The following IL18RAP variants were observed in gnomAD, a reference collection of about 807,000 sequenced individuals.
IL18RAP encodes the protein interleukin 18 receptor accessory protein.
A neutral mutation model predicts 58.1 loss-of-function variants in IL18RAP; 37 were observed. The observed-to-expected ratio is 0.64, with a 90% confidence interval of 0.49 to 0.84. The LOEUF is 0.84. Ranked by LOEUF, IL18RAP falls within the 40% of genes least tolerant of loss-of-function variation. IL18RAP has a pLI of 0.00. For missense variants in IL18RAP, 667 were observed against 704.8 expected, an observed-to-expected ratio of 0.95 and a Z score of 0.61; for synonymous variants, 268 against 257.5, an observed-to-expected ratio of 1.04 and a Z score of -0.39.
chr2:102,436,273 C>G (rs925827260), intron 3 of IL18RAP, among the ~76,000 whole-genome samples: 1 of 152,182 alleles, frequency 6.6e-6, no homozygotes, highest in African/African-American at 2.4e-5. Context: ...TGACACGCCT[C>G]TCCCCTGAAT....
chr2:102,427,319 T>A (rs1477407495), intron 3 of IL18RAP, among the ~76,000 whole-genome samples: 2 of 152,144 alleles, frequency 1.3e-5, no homozygotes, highest in Non-Finnish European at 2.9e-5. Flanking sequence ...GTTTTTCTGA[T>A]GAGACTTCAT....
In IL18RAP at chr2:102,450,892, T is replaced by C. The variant is rs748681221; in HGVS notation, c.1255T>C (p.Ser419Pro). 1 of 1,610,144 alleles carries C rather than the reference T, an allele frequency of 6.2e-7. No homozygotes were observed. Among genetic ancestry groups the C allele is most frequent in the Admixed American group, 1.7e-5 (1 of 59,192 alleles). The change falls in exon 9 of 10, where the codon TCT becomes CCT. Residue 419 changes from serine (S) to proline (P), a missense_variant. Ser to Pro is a moderately conservative substitution (Grantham distance 74). Coordinates refer to ENST00000687160, the MANE Select transcript of IL18RAP (RefSeq NM_001393487.1). ...TTTCGTATCCTATGCAAAATGGAGC[T>C]CTTTTCCAAGTGAGGCCACTTCATC... ...DAFVSYAKWS[S>P]FPSEATSSLS... is the part of the protein sequence containing the mutation.
intron 3 of IL18RAP, chr2:102,434,585 C>T (rs896177465): frequency 2.0e-5 from 3 of 152,184 alleles, no homozygotes; most frequent in Non-Finnish European, 4.4e-5. Context: ...GAGTGCTCTG[C>T]TGTTAACTCC....
At chr2:102,441,732 A>T (rs936109263) in intron 5 of IL18RAP, among the ~76,000 whole-genome samples, 1 of 151,980 alleles carries the variant, frequency 6.6e-6, no homozygotes, top group Non-Finnish European at 1.5e-5. Flanking sequence ...TACTAAAACT[A>T]CAAAAATTAG....
chr2:102,429,802 C>T (rs974073816), intron 3 of IL18RAP, among the ~76,000 whole-genome samples: 2 of 151,982 alleles, frequency 1.3e-5, no homozygotes, highest in East Asian at 1.9e-4. Flanking sequence ...TTTTAACTTC[C>T]TTTTTATTTC....
intron 4 of IL18RAP, chr2:102,439,769 T>G (rs1390834388): frequency 6.6e-6 from 1 of 152,044 alleles, no homozygotes; most frequent in Non-Finnish European, 1.5e-5. Context: ...AGATTAAGTA[T>G]TAGGCTTAAA....
At position 102,445,186 on chromosome 2, in the gene IL18RAP, C is replaced by T. The variant is rs1169353559; in HGVS notation, c.921-3C>T. 6.2e-7 allele frequency: 1 copy of T among 1,612,288 alleles called. No homozygotes were observed. The highest frequency in any genetic ancestry group is 8.5e-7 in the Non-Finnish European group (1 of 1,178,802). On this transcript the variant is annotated splice_region_variant and splice_polypyrimidine_tract_variant and intron_variant, in intron 6 of 9. Transcript: ENST00000687160. ...TGGAGTGGTATTTTTTCTCCTTTCT[C>T]AGTATTAAATCCACTTTAAAGGATG...
At chr2:102,444,364 G>A (rs1683287949) in intron 6 of IL18RAP, among the ~76,000 whole-genome samples, 1 of 152,122 alleles carries the variant, frequency 6.6e-6, no homozygotes, top group Admixed American at 6.5e-5. Context: ...TTTTCTATCT[G>A]ATGTCAACAT....
At chr2:102,419,636 A>G (rs1681448038), upstream of IL18RAP, 1 of 152,360 alleles carries the variant, frequency 6.6e-6, no homozygotes, top group African/African-American at 2.4e-5. Flanking sequence ...TGATTCTCAA[A>G]AAACGCATCT....
chr2:102,445,826 A>G (rs1683380429), intron 7 of IL18RAP, among the ~76,000 whole-genome samples: 1 of 152,238 alleles, frequency 6.6e-6, no homozygotes, highest in African/African-American at 2.4e-5. Flanking sequence ...ATATTAAAAA[A>G]AAAAAAGCTG....
At chr2:102,426,335 GTATACAAC>G (rs1681941230) in intron 3 of IL18RAP, among the ~76,000 whole-genome samples, 1 of 152,112 alleles carries the variant, frequency 6.6e-6, no homozygotes, top group African/African-American at 2.4e-5. Flanking sequence ...GATATACAGA[GTATACAAC>G]TGAAATAAAT....
chr2:102,419,605 C>T (rs1274335222), upstream of IL18RAP: 1 of 152,288 alleles, frequency 6.6e-6, no homozygotes, highest in Non-Finnish European at 1.5e-5. Flanking sequence ...GGGAAATCTT[C>T]ATCCTCTGAA....
chr2:102,422,728 G>A (rs1285859800), upstream of IL18RAP, among the ~76,000 whole-genome samples: 1 of 152,068 alleles, frequency 6.6e-6, no homozygotes, highest in Non-Finnish European at 1.5e-5. Flanking sequence ...GAGGTAGGTG[G>A]CCTCTATTCT....
chr2:102,452,050 T>A lies in IL18RAP; in HGVS notation c.1669T>A (p.Tyr557Asn). ...TTCTAGGTTCTGGGCCAAAATGCGC[T>A]ACCACATGCCTGTGAAAAACTCTCA... is the stretch of plus-strand genomic sequence containing the variant. ...PNSRFWAKMR[Y>N]HMPVKNSQGF... is the part of the protein sequence containing the mutation. Residue 557 changes from tyrosine (Y) to asparagine (N), a missense_variant, in exon 10 of 10, where the codon TAC becomes AAC. Transcript: ENST00000687160. The A allele has an allele frequency of 6.2e-7, 1 of 1,614,172 alleles. No individual in the cohort carries two copies. Among genetic ancestry groups the A allele is most frequent in the South Asian group, 1.1e-5 (1 of 91,086 alleles).
intron 8 of IL18RAP, among the ~76,000 whole-genome samples, chr2:102,447,977 G>T (rs1027586521): frequency 5.3e-5 from 8 of 152,014 alleles, no homozygotes; most frequent in Non-Finnish European, 1.0e-4. Flanking sequence ...CAAGTGATCC[G>T]TCCGCCTCGG....
intron 3 of IL18RAP, 63 bp downstream of exon 3, chr2:102,424,477 C>A: frequency 6.9e-7 from 1 of 1,442,954 alleles, no homozygotes; most frequent in South Asian, 1.3e-5. Flanking sequence ...TCTTCATGGG[C>A]TTTTCATGGA....
In IL18RAP at chr2:102,449,275, A is replaced by T. The variant is rs559183947; in HGVS notation, c.1211-1573A>T. Among the ~76,000 whole-genome samples the T allele has an allele frequency of 2.6e-5, 4 of 152,346 alleles. No individual in the cohort carries two copies. The South Asian group carries it at 8.3e-4, about 32-fold the overall frequency. On this transcript the variant is annotated intron_variant, in intron 8 of 9. Coordinates refer to ENST00000687160, the MANE Select transcript of IL18RAP (RefSeq NM_001393487.1). The stretch of plus-strand genomic sequence containing the variant: ...AGAGCAAGACTCCTTTTCAAAAAAA[A>T]GGAAGAAAGAAATGCATCAGTCACA...
intron 4 of IL18RAP, chr2:102,438,895 C>A (rs1682922738): frequency 6.6e-6 from 1 of 152,196 alleles, no homozygotes; most frequent in Non-Finnish European, 1.5e-5. Context: ...GAGAAAGGAG[C>A]ACTATGGGCA....
chr2:102,420,498 T>A (rs1198477961), upstream of IL18RAP, among the ~76,000 whole-genome samples: 1 of 152,072 alleles, frequency 6.6e-6, no homozygotes, highest in Non-Finnish European at 1.5e-5. Context: ...AGTTGGTGGG[T>A]GGGTGCATCA....
Sources: gnomAD v4.1 joint callset for allele counts (sites outside exome capture counted in the v4.1 genomes callset) on GRCh38, gnomAD v4.1.1 for gene constraint, MANE v1.5 for transcripts, NCBI Gene and HGNC (gene_info 2026-07-23, HGNC 2026-07-21) for gene names.